MIS18A: variants seen among roughly 807,000 people sequenced by gnomAD.
The protein encoded by MIS18A is protein Mis18-alpha.
Under a neutral mutation model 25.0 loss-of-function variants are expected in MIS18A, and 14 were observed. That is an observed-to-expected ratio of 0.56 (90% CI 0.37 to 0.88). MIS18A has a LOEUF of 0.88. Ranked by LOEUF, MIS18A falls within the 40% of genes least tolerant of loss-of-function variation. MIS18A has a pLI of 0.00. For missense variants in MIS18A, 292 were observed against 290.8 expected, an observed-to-expected ratio of 1.00 and a Z score of -0.03; for synonymous variants, 134 against 118.6, an observed-to-expected ratio of 1.13 and a Z score of -0.84.
the MIS18A span, among the ~76,000 whole-genome samples, chr21:32,195,945 G>C: frequency 4.6e-5 from 7 of 152,186 alleles, no homozygotes; most frequent in South Asian, 1.2e-3. Flanking sequence ...GCTTGAACCT[G>C]GTTGGAGGAG....
the MIS18A span, among the ~76,000 whole-genome samples, chr21:32,223,173 G>A: frequency 6.6e-6 from 1 of 151,946 alleles, no homozygotes; most frequent in Non-Finnish European, 1.5e-5. Context: ...ATGAGAACAT[G>A]GGAAAGATCA....
the MIS18A span, among the ~76,000 whole-genome samples, chr21:32,229,923 C>T: frequency 1.3e-5 from 2 of 152,174 alleles, no homozygotes; most frequent in Non-Finnish European, 2.9e-5. Context: ...TTGTTCATCA[C>T]TTGGTTCTAC....
chr21:32,266,683 T>G (rs946395293), downstream of MIS18A, among the ~76,000 whole-genome samples: 1 of 148,576 alleles, frequency 6.7e-6, no homozygotes, highest in African/African-American at 2.5e-5. Context: ...AGGAAGAAAC[T>G]CCGAACACAT....
chr21:32,262,038 G>C, the MIS18A span, among the ~76,000 whole-genome samples: 1 of 152,250 alleles, frequency 6.6e-6, no homozygotes, highest in South Asian at 2.1e-4. Context: ...CTCAGAGTGA[G>C]GGAAGAAGGC....
the MIS18A span, among the ~76,000 whole-genome samples, chr21:32,157,107 G>C: frequency 6.9e-6 from 1 of 145,666 alleles, no homozygotes; most frequent in African/African-American, 2.5e-5. Context: ...CCAGGCTGGA[G>C]TGCAGTGGCG....
the MIS18A span, among the ~76,000 whole-genome samples, chr21:32,200,648 C>T: frequency 3.9e-5 from 6 of 151,976 alleles, no homozygotes. Context: ...CTGTGTTAGC[C>T]AGGATGGTCT....
the MIS18A span, among the ~76,000 whole-genome samples, chr21:32,233,775 G>T: frequency 6.6e-6 from 1 of 152,148 alleles, no homozygotes; most frequent in African/African-American, 2.4e-5. Flanking sequence ...CCCAACCATG[G>T]ACTTGTTCTG....
chr21:32,222,933 T>TAAA, the MIS18A span, among the ~76,000 whole-genome samples: 1 of 74,646 alleles, frequency 1.3e-5, no homozygotes, highest in Admixed American at 1.8e-4. Context: ...AGACTCCGTC[T>TAAA]CAAAAAAAAA....
the MIS18A span, among the ~76,000 whole-genome samples, chr21:32,176,620 G>A: frequency 6.6e-6 from 1 of 152,064 alleles, no homozygotes; most frequent in Non-Finnish European, 1.5e-5. Context: ...TAGAAAATAA[G>A]AAAGGCTGAA....
At chr21:32,171,446 C>T in the MIS18A span, among the ~76,000 whole-genome samples, 1 of 151,964 alleles carries the variant, frequency 6.6e-6, no homozygotes, top group Admixed American at 6.6e-5. Context: ...AAAACAAGTA[C>T]AGTTATGTTT....
chr21:32,187,171 C>T, the MIS18A span, among the ~76,000 whole-genome samples: 4 of 152,212 alleles, frequency 2.6e-5, no homozygotes. Context: ...CCAACGATGA[C>T]ACTCTGTAAT....
chr21:32,252,945 T>A, the MIS18A span, among the ~76,000 whole-genome samples: 2 of 152,182 alleles, frequency 1.3e-5, no homozygotes, highest in African/African-American at 4.8e-5. Flanking sequence ...ATTTGGTGAG[T>A]GCACAGTGAG....
At chr21:32,158,089 G>A in the MIS18A span, among the ~76,000 whole-genome samples, 16 of 152,090 alleles carry the variant, frequency 1.1e-4, no homozygotes, top group African/African-American at 3.6e-4. Flanking sequence ...ATGTGATTTG[G>A]TAGCGAAATA....
chr21:32,210,040 T>C, the MIS18A span, among the ~76,000 whole-genome samples: 1 of 152,186 alleles, frequency 6.6e-6, no homozygotes, highest in Non-Finnish European at 1.5e-5. Flanking sequence ...AACAGAGTTG[T>C]TGGACTCTGA....
chr21:32,239,094 A>T, the MIS18A span, among the ~76,000 whole-genome samples: 1 of 152,218 alleles, frequency 6.6e-6, no homozygotes, highest in Non-Finnish European at 1.5e-5. Context: ...CAGCATTTAC[A>T]CCTGTGCAAT....
chr21:32,275,433 A>G (rs62214240), intron 1 of MIS18A, among the ~76,000 whole-genome samples: 224 of 152,232 alleles, frequency 1.5e-3, no homozygotes, highest in African/African-American at 3.9e-3. Flanking sequence ...GCCAACACAT[A>G]TATCTCCAGA....
chr21:32,269,216 G>T, intron 4 of MIS18A, 99 bp from the exon 5 acceptor site: 1 of 869,170 alleles, frequency 1.2e-6, no homozygotes, highest in Non-Finnish European at 1.7e-6. Context: ...TGCAATTTTG[G>T]ATATGTCATA....
the MIS18A span, among the ~76,000 whole-genome samples, chr21:32,213,707 G>T: frequency 2.0e-5 from 3 of 152,192 alleles, no homozygotes; most frequent in Non-Finnish European, 4.4e-5. Flanking sequence ...AACGTTCTCA[G>T]GGTCAGAAGT....
chr21:32,182,904 C>T, the MIS18A span, among the ~76,000 whole-genome samples: 1 of 152,190 alleles, frequency 6.6e-6, no homozygotes, highest in African/African-American at 2.4e-5. Context: ...CAGGCAAAGA[C>T]GTACACGTTA....
Sources: gnomAD v4.1 joint callset for allele counts (sites outside exome capture counted in the v4.1 genomes callset) on GRCh38, gnomAD v4.1.1 for gene constraint, MANE v1.5 for transcripts, NCBI Gene and HGNC (gene_info 2026-07-23, HGNC 2026-07-21) for gene names.